Variants in CEMIP2 observed in about 807,000 individuals in gnomAD.
The protein encoded by CEMIP2 is cell migration inducing hyaluronidase 2.
Under a neutral mutation model 146.9 loss-of-function variants are expected in CEMIP2, and 79 were observed. That is an observed-to-expected ratio of 0.54 (90% CI 0.45 to 0.65). The LOEUF (loss-of-function observed/expected upper bound fraction) is 0.65, where lower values mean the gene tolerates loss of function less well. Among genes scored for constraint, CEMIP2 ranks in the 30% least tolerant of loss-of-function variants. The pLI is 0.00. For missense variants in CEMIP2, 1,596 were observed against 1,696.2 expected, an observed-to-expected ratio of 0.94 and a Z score of 1.04; for synonymous variants, 601 against 606.3, an observed-to-expected ratio of 0.99 and a Z score of 0.13.
At chr9:71,739,466 G>C (rs1374092345) in intron 5 of CEMIP2, among the ~76,000 whole-genome samples, 1 of 144,460 alleles carries the variant, frequency 6.9e-6, no homozygotes, top group Non-Finnish European at 1.5e-5. Flanking sequence ...TTCCTGCTAA[G>C]AAACGCTTCT....
At chr9:71,722,854 G>A (rs1209981837) in intron 11 of CEMIP2, among the ~76,000 whole-genome samples, 1 of 152,082 alleles carries the variant, frequency 6.6e-6, no homozygotes, top group Non-Finnish European at 1.5e-5. Context: ...AATCCAAAAC[G>A]ATAAGCATAT....
At chr9:71,762,879 G>A (rs906893286) in intron 1 of CEMIP2, among the ~76,000 whole-genome samples, 1 of 152,008 alleles carries the variant, frequency 6.6e-6, no homozygotes. Flanking sequence ...GGGCATGGTG[G>A]TGCATGCCTG....
At chr9:71,697,727 A>T in intron 20 of CEMIP2, 1 of 416,440 alleles carries the variant, frequency 2.4e-6, no homozygotes, top group Non-Finnish European at 4.3e-6. Flanking sequence ...CAACATAGCA[A>T]CCTCTAATTT....
At position 71,692,297 on chromosome 9, in the gene CEMIP2, A is replaced by ATTT. The variant is rs10683724; in HGVS notation, c.3697-2054_3697-2052dup. ...GACTCTGGGGCATAGCCTGCCTGAT[A>ATTT]TTTTTTTTTTTTTTTTTTTTTGGCA... On this transcript the variant is annotated intron_variant, in intron 21 of 23. Transcript: ENST00000377044. Among the ~76,000 whole-genome samples, 312 of 78,888 alleles carry ATTT rather than the reference A, an allele frequency of 4.0e-3. 34 individuals carry two copies. The highest frequency in any genetic ancestry group is 0.014 in the African/African-American group (273 of 20,120). 51.8% of individuals were successfully genotyped at this position (78,888 alleles called of 152,430 possible).
In CEMIP2 at chr9:71,732,393, C is replaced by G. The variant is rs984662467; in HGVS notation, c.1521G>C (p.Gln507His). The G allele has an allele frequency of 3.7e-6, 6 of 1,612,774 alleles. No homozygotes were observed. Among genetic ancestry groups the G allele is most frequent in the Non-Finnish European group, 5.1e-6 (6 of 1,179,770 alleles). Reference sequence around the variant, plus strand: ...AGGTATCATAATCAAAAAATTGGCACTGATTTTCTGCGTAGCATGAGTCCT... The same window carrying G: ...AGGTATCATAATCAAAAAATTGGCAGTGATTTTCTGCGTAGCATGAGTCCT... ...EVEDSCYAEN[Q>H]CQFFDYDTFG... Residue 507 changes from glutamine (Q) to histidine (H), a missense_variant, in exon 7 of 24, where the codon CAG becomes CAC. Gln to His is a conservative substitution (Grantham distance 24). Transcript: ENST00000377044.
At position 71,704,613 on chromosome 9, in the gene CEMIP2, T is replaced by C; in HGVS notation, c.3176A>G (p.Tyr1059Cys). ...NGPAPRTTFL[Y>C]LVNFNKNDWI... is the part of the protein sequence containing the mutation. The stretch of plus-strand genomic sequence containing the variant: ...AACATACTTGTTGAAGTTGACGAGG[T>C]ATAGAAATGTAGTCCGTGGTGCCGG... The change falls in exon 18 of 24, where the codon TAC (tyrosine) becomes TGC (cysteine). Residue 1059 changes from tyrosine (Y) to cysteine (C), a missense_variant. Coordinates refer to ENST00000377044, the MANE Select transcript of CEMIP2 (RefSeq NM_013390.3). 2 of 1,614,126 alleles carry C rather than the reference T, an allele frequency of 1.2e-6. No individual in the cohort carries two copies. Among genetic ancestry groups the C allele is most frequent in the Non-Finnish European group, 1.7e-6 (2 of 1,179,992 alleles).
At chr9:71,737,187 A>G (rs961549717) in intron 5 of CEMIP2, among the ~76,000 whole-genome samples, 1 of 131,222 alleles carries the variant, frequency 7.6e-6, no homozygotes, top group African/African-American at 2.6e-5. Context: ...AGAAAGAAAG[A>G]AAAGTCTGTA....
chr9:71,750,810 G>A (rs541574124), intron 1 of CEMIP2, among the ~76,000 whole-genome samples: 1 of 152,120 alleles, frequency 6.6e-6, no homozygotes, highest in Admixed American at 6.5e-5. Context: ...GCAGTGGCAT[G>A]ATCATAGATC....
At chr9:71,703,060 T>G (rs994265026) in intron 18 of CEMIP2, among the ~76,000 whole-genome samples, 1 of 152,206 alleles carries the variant, frequency 6.6e-6, no homozygotes, top group Non-Finnish European at 1.5e-5. Flanking sequence ...GATATTAGAT[T>G]GGGCTTTCAG....
At chr9:71,726,076 C>T (rs1228967021) in intron 10 of CEMIP2, among the ~76,000 whole-genome samples, 2 of 152,158 alleles carry the variant, frequency 1.3e-5, no homozygotes, top group Admixed American at 1.3e-4. Flanking sequence ...TGGTTTTTAT[C>T]TGTTTACCTC....
intron 21 of CEMIP2, among the ~76,000 whole-genome samples, chr9:71,692,762 C>T (rs145809261): frequency 0.012 from 1,799 of 152,160 alleles, 13 homozygotes; most frequent in Middle Eastern, 0.037. Context: ...TATTTTAAAA[C>T]TTAACCAAGT....
intron 2 of CEMIP2, among the ~76,000 whole-genome samples, chr9:71,748,855 GA>G (rs1824164742): frequency 6.6e-6 from 1 of 152,146 alleles, no homozygotes; most frequent in Non-Finnish European, 1.5e-5. Context: ...AAGCACCCAA[GA>G]AAACTAAATA....
intron 1 of CEMIP2, among the ~76,000 whole-genome samples, chr9:71,761,973 T>C (rs1396558988): frequency 6.7e-6 from 1 of 148,160 alleles, no homozygotes; most frequent in African/African-American, 2.4e-5. Context: ...ATGTGTAAAC[T>C]AAAGTCTACC....
chr9:71,701,168 C>T (rs969682942), intron 18 of CEMIP2, among the ~76,000 whole-genome samples: 17 of 152,104 alleles, frequency 1.1e-4, no homozygotes, highest in South Asian at 1.0e-3. Flanking sequence ...TGCAGTGGCG[C>T]GATCTCAGCT....
At chr9:71,753,513 T>C (rs62544874) in intron 1 of CEMIP2, among the ~76,000 whole-genome samples, 10,516 of 152,264 alleles carry the variant, frequency 0.069, 518 homozygotes, top group South Asian at 0.19. Context: ...AAAACATGTA[T>C]GTAAATGTGT....
chr9:71,716,459 A>T, intron 14 of CEMIP2, 58 bp downstream of exon 14: 5 of 1,385,240 alleles, frequency 3.6e-6, no homozygotes, highest in Non-Finnish European at 4.0e-6. Flanking sequence ...TCAGAAAAAA[A>T]AATCAAGGGT....
intron 1 of CEMIP2, 31 bp downstream of exon 1, chr9:71,768,326 T>TGGGGGGGGGGGGGG (rs559363987): frequency 7.9e-5 from 1 of 12,706 alleles, no homozygotes; most frequent in African/African-American, 3.3e-4. Flanking sequence ...TGGAGCGGGG[T>TGGGGGGGGGGGGGG]GGGGGGGCGG....
At chr9:71,739,914 G>T in intron 5 of CEMIP2, 149 bp downstream of exon 5, 1 of 714,878 alleles carries the variant, frequency 1.4e-6, no homozygotes, top group Non-Finnish European at 2.2e-6. Flanking sequence ...AAAAGATTAA[G>T]CACAGTAGGA....
rs752874010 is a variant in CEMIP2 at position 71,730,269 on chromosome 9, TA to T, written c.1774-17del. 1.2e-6 allele frequency: 2 copies of T among 1,604,564 alleles called. No homozygotes were observed. Among genetic ancestry groups the T allele is most frequent in the East Asian group, 2.2e-5 (1 of 44,806 alleles). ...TGTCTTTTATCTGCAGAAATAAAAG[TA>T]TATTAATGTCATTGGTAACAAGAAT... is the stretch of plus-strand genomic sequence containing the variant. On this transcript the variant is annotated splice_polypyrimidine_tract_variant and intron_variant, in intron 8 of 23. Transcript: ENST00000377044.
Sources: allele counts gnomAD v4.1 joint callset (sites outside exome capture counted in the v4.1 genomes callset), GRCh38; gene constraint gnomAD v4.1.1; transcripts MANE v1.5; gene names NCBI Gene and HGNC (gene_info 2026-07-23, HGNC 2026-07-21).